CCDC141: variants seen among roughly 807,000 people sequenced by gnomAD.
The protein encoded by CCDC141 is coiled-coil domain containing 141.
In CCDC141, 168 loss-of-function variants were observed where a neutral mutation model predicts 181.0. The ratio of observed to expected loss-of-function variants is 0.93; its 90% CI spans 0.82 to 1.05. The LOEUF is 1.05. CCDC141 is among the 50% of genes least tolerant of loss of function. The pLI, the probability that CCDC141 is intolerant of heterozygous loss-of-function variation, is 0.00. For missense variants in CCDC141, 1,902 were observed against 1,788.5 expected (o/e 1.06, Z -1.14); for synonymous variants, 666 against 642.3 (o/e 1.04, Z -0.56).
intron 2 of CCDC141, among the ~76,000 whole-genome samples, chr2:179,003,382 T>A (rs1381028235): frequency 6.6e-6 from 1 of 152,202 alleles, no homozygotes; most frequent in Non-Finnish European, 1.5e-5. Flanking sequence ...TTCCACCAGG[T>A]AGTAGCTCTG....
At chr2:178,917,748 GGAACC>G (rs1558979384) in intron 7 of CCDC141, among the ~76,000 whole-genome samples, 1 of 152,200 alleles carries the variant, frequency 6.6e-6, no homozygotes, top group Admixed American at 6.5e-5. Flanking sequence ...CCACTTAGCA[GGAACC>G]ACCTGCTGCA....
intron 2 of CCDC141, among the ~76,000 whole-genome samples, chr2:179,022,507 C>T (rs911947752): frequency 2.6e-5 from 4 of 152,170 alleles, no homozygotes; most frequent in Admixed American, 6.5e-5. Flanking sequence ...AACACTGTTC[C>T]GTCTCACGCC....
chr2:179,031,094 T>C (rs1298893208), intron 2 of CCDC141, among the ~76,000 whole-genome samples: 2 of 152,068 alleles, frequency 1.3e-5, no homozygotes, highest in African/African-American at 2.4e-5. Flanking sequence ...GACTTTGAAG[T>C]TTTAATATAA....
intron 12 of CCDC141, 82 bp from the exon 13 acceptor site, chr2:178,872,394 A>C: frequency 3.9e-6 from 5 of 1,275,266 alleles, no homozygotes; most frequent in Non-Finnish European, 5.4e-6. Context: ...TTTACGAGGC[A>C]AATTCTTTAT....
At position 178,830,137 on chromosome 2, in the gene CCDC141, G is replaced by A. The variant is rs1684196586; in HGVS notation, c.*4036C>T. 1 of 152,182 alleles carries A rather than the reference G, an allele frequency of 6.6e-6. No homozygotes were observed. The highest frequency in any genetic ancestry group is 1.5e-5 in the Non-Finnish European group (1 of 68,038). 9.4% of individuals were successfully genotyped at this position (152,182 alleles called of 1,614,324 possible). A position where few individuals can be genotyped will look rare whatever the true frequency, so the allele number is the denominator to read the frequency against. On this transcript the variant is annotated 3_prime_UTR_variant, in exon 24 of 24. Coordinates refer to ENST00000443758, the MANE Select transcript of CCDC141 (RefSeq NM_173648.4). ...TTTGGATTTAGTCATAGAGAGTGGA[G>A]GCATCCAGTTCCTCATACCGGATGA... is the stretch of plus-strand genomic sequence containing the variant.
intron 8 of CCDC141, among the ~76,000 whole-genome samples, chr2:178,892,405 C>T (rs186646707): frequency 6.6e-6 from 1 of 152,154 alleles, no homozygotes; most frequent in Admixed American, 6.6e-5. Context: ...TCTCTATGCC[C>T]TTATAACTAG....
chr2:178,926,149 A>C (rs974469490), intron 6 of CCDC141, among the ~76,000 whole-genome samples: 10 of 152,254 alleles, frequency 6.6e-5, no homozygotes, highest in African/African-American at 1.9e-4. Context: ...TAGGGTGAAA[A>C]AAATAAGGAT....
intron 2 of CCDC141, among the ~76,000 whole-genome samples, chr2:179,004,364 G>A (rs1308337939): frequency 6.6e-6 from 1 of 152,004 alleles, no homozygotes; most frequent in Non-Finnish European, 1.5e-5. Flanking sequence ...TTCTTCTAAT[G>A]CTAATAATTT....
the CCDC141 span, among the ~76,000 whole-genome samples, chr2:178,815,733 T>C: frequency 1.3e-5 from 2 of 152,210 alleles, no homozygotes; most frequent in Non-Finnish European, 2.9e-5. Context: ...TTATAATACC[T>C]AATACAATGT....
rs567854811 is a variant in CCDC141 at position 178,860,055 on chromosome 2, T to C, written c.2725-3658A>G. Among the ~76,000 whole-genome samples, 218 of 152,310 alleles carry C rather than the reference T, an allele frequency of 1.4e-3. 2 individuals are homozygous for C. The highest frequency in any genetic ancestry group is 2.9e-3 in the Admixed American group (44 of 15,302). ...CCTTTCCTTAGAACTATGGCACATG[T>C]TTGGCCAGAAGCAAAAATATAAAAT... On this transcript the variant is annotated intron_variant, in intron 17 of 23. Coordinates refer to ENST00000443758, the MANE Select transcript of CCDC141 (RefSeq NM_173648.4).
At chr2:178,835,349 T>A (rs1388713781) in intron 23 of CCDC141, among the ~76,000 whole-genome samples, 1 of 152,230 alleles carries the variant, frequency 6.6e-6, no homozygotes, top group African/African-American at 2.4e-5. Flanking sequence ...TGCAACTGTA[T>A]TATGACTATT....
At chr2:179,015,065 G>C (rs1190770280) in intron 2 of CCDC141, among the ~76,000 whole-genome samples, 1 of 10,976 alleles carries the variant, frequency 9.1e-5, no homozygotes, top group African/African-American at 2.6e-4. Context: ...GAGAGAGACA[G>C]AGATATATAT....
chr2:178,975,231 T>A lies in CCDC141; in HGVS notation c.418-66A>T, dbSNP rs756171154. 11 of 793,302 alleles carry A rather than the reference T, an allele frequency of 1.4e-5. No homozygotes were observed. The Admixed American group carries it at 1.8e-4, about 13-fold the overall frequency. 49.1% of individuals were successfully genotyped at this position (793,302 alleles called of 1,614,324 possible). On this transcript the variant is annotated intron_variant, in intron 3 of 23. Transcript: ENST00000443758. ...TAAAAATTAACGTGCCATTGTTAGT[T>A]ACCTGGAGATGTTTTTCATAAATTA...
intron 2 of CCDC141, among the ~76,000 whole-genome samples, chr2:179,012,322 A>C (rs1252230841): frequency 2.0e-5 from 3 of 152,176 alleles, no homozygotes; most frequent in Non-Finnish European, 2.9e-5. Flanking sequence ...AATATAAAAG[A>C]TCATTCAAGG....
the CCDC141 span, among the ~76,000 whole-genome samples, chr2:178,815,003 G>A: frequency 2.0e-5 from 3 of 151,932 alleles, no homozygotes; most frequent in East Asian, 5.8e-4. Flanking sequence ...ACAGAGGAAA[G>A]GCCATGTGGA....
At chr2:179,011,264 A>C (rs2042263183) in intron 2 of CCDC141, among the ~76,000 whole-genome samples, 1 of 152,198 alleles carries the variant, frequency 6.6e-6, no homozygotes, top group Admixed American at 6.5e-5. Context: ...CGTAAACTTA[A>C]AGTGTTGGAA....
the CCDC141 span, among the ~76,000 whole-genome samples, chr2:178,820,296 G>A: frequency 1.3e-5 from 2 of 152,284 alleles, no homozygotes; most frequent in African/African-American, 4.8e-5. Context: ...CACACCGGTG[G>A]AGAGTGGGGC....
intron 7 of CCDC141, among the ~76,000 whole-genome samples, chr2:178,909,416 G>A (rs1032032043): frequency 6.6e-6 from 1 of 152,178 alleles, no homozygotes; most frequent in Non-Finnish European, 1.5e-5. Context: ...TACATTTGTA[G>A]AATACCTATT....
chr2:178,908,227 G>T (rs13021413), intron 7 of CCDC141, among the ~76,000 whole-genome samples: 1 of 151,850 alleles, frequency 6.6e-6, no homozygotes, highest in Non-Finnish European at 1.5e-5. Context: ...ACAGAGTCTC[G>T]CTCTGCCGCC....
Sources: gnomAD v4.1 joint callset for allele counts (sites outside exome capture counted in the v4.1 genomes callset) on GRCh38, gnomAD v4.1.1 for gene constraint, MANE v1.5 for transcripts, NCBI Gene and HGNC (gene_info 2026-07-23, HGNC 2026-07-21) for gene names.